FGF13: variants seen among roughly 807,000 people sequenced by gnomAD.
FGF13 encodes the protein fibroblast growth factor homologous factor 2.
FGF13 carries 2 observed loss-of-function variants against 19.5 expected under a neutral mutation model. The observed-to-expected ratio is 0.10, with a 90% CI of 0.04 to 0.32. The LOEUF (loss-of-function observed/expected upper bound fraction) is 0.32, where lower values mean the gene tolerates loss of function less well. Among genes scored for constraint, FGF13 ranks in the 10% least tolerant of loss-of-function variants. The pLI, the probability that FGF13 is intolerant of heterozygous loss-of-function variation, is 1.00. For missense variants in FGF13, 113 were observed against 192.7 expected (o/e 0.59, Z 2.45); for synonymous variants, 72 against 76.9 (o/e 0.94, Z 0.33).
intron 1 of FGF13, among the ~76,000 whole-genome samples, chrX:138,998,093 A>C (rs1038008887): frequency 9.0e-6 from 1 of 111,729 alleles, no homozygotes; most frequent in African/African-American, 3.3e-5. Flanking sequence ...AAGCTTCATA[A>C]GTGAAGAAGA....
At chrX:138,747,779 G>A (rs966246203) in intron 3 of FGF13, among the ~76,000 whole-genome samples, 2 of 111,430 alleles carry the variant, frequency 1.8e-5, no homozygotes, top group Non-Finnish European at 3.8e-5. Context: ...GCGGGATGAG[G>A]TCATAAAGTT....
chrX:138,677,662 TA>T (rs2089685144), intron 3 of FGF13, among the ~76,000 whole-genome samples: 1 of 111,156 alleles, frequency 9.0e-6, no homozygotes, highest in African/African-American at 3.3e-5. Context: ...TGGCAATCAT[TA>T]AAAAGTCAGG....
chrX:139,178,156 C>A (rs755065672), intron 1 of FGF13, among the ~76,000 whole-genome samples: 1 of 112,269 alleles, frequency 8.9e-6, no homozygotes, highest in Non-Finnish European at 1.9e-5. Flanking sequence ...TGTTCCTATT[C>A]GGCCATCTTG....
At chrX:139,048,409 C>T (rs1414397725) in intron 1 of FGF13, among the ~76,000 whole-genome samples, 2 of 110,821 alleles carry the variant, frequency 1.8e-5, no homozygotes, top group Non-Finnish European at 3.8e-5. Context: ...TTTCTTTTTT[C>T]CTAAGATTCC....
intron 1 of FGF13, among the ~76,000 whole-genome samples, chrX:138,964,295 A>G (rs774894616): frequency 3.6e-5 from 4 of 112,007 alleles, no homozygotes; most frequent in South Asian, 7.5e-4. Flanking sequence ...ATCAGAAATC[A>G]GCAAACAATG....
chrX:138,913,663 AG>A (rs2091602172), intron 1 of FGF13, among the ~76,000 whole-genome samples: 2 of 96,627 alleles, frequency 2.1e-5, no homozygotes, highest in African/African-American at 8.1e-5. Flanking sequence ...GAAGGAAGGA[AG>A]GAAGGAAGGA....
intron 1 of FGF13, among the ~76,000 whole-genome samples, chrX:138,950,752 T>C (rs1421497725): frequency 9.0e-6 from 1 of 111,664 alleles, no homozygotes; most frequent in Non-Finnish European, 1.9e-5. Context: ...GTTATTAGTA[T>C]TACTCAAAAT....
chrX:139,166,148 C>G (rs950819939), intron 1 of FGF13, among the ~76,000 whole-genome samples: 2 of 111,214 alleles, frequency 1.8e-5, no homozygotes, highest in African/African-American at 6.6e-5. Flanking sequence ...GGCTGTGTCC[C>G]CACCCAAATC....
At chrX:139,173,189 A>G (rs1397611412) in intron 1 of FGF13, among the ~76,000 whole-genome samples, 1 of 111,364 alleles carries the variant, frequency 9.0e-6, no homozygotes, top group Non-Finnish European at 1.9e-5. Context: ...AAGAATTCAG[A>G]GGCAATATGG....
At chrX:139,122,930 G>A (rs754469313) in intron 1 of FGF13, among the ~76,000 whole-genome samples, 4 of 111,657 alleles carry the variant, frequency 3.6e-5, no homozygotes, top group East Asian at 2.8e-4. Context: ...GTGAGAGGCC[G>A]TCCTGTGCAC....
At chrX:138,993,034 A>G (rs1320133586) in intron 1 of FGF13, among the ~76,000 whole-genome samples, 3 of 111,878 alleles carry the variant, frequency 2.7e-5, no homozygotes, top group African/African-American at 9.7e-5. Context: ...AAAAATTCCT[A>G]ATCTGAATTT....
At chrX:139,173,948 C>G (rs1168278451) in intron 1 of FGF13, among the ~76,000 whole-genome samples, 1 of 111,981 alleles carries the variant, frequency 8.9e-6, no homozygotes, top group African/African-American at 3.3e-5. Context: ...AATGGTATTT[C>G]TGGTTCTAGA....
chrX:138,754,745 G>A (rs1380963692), intron 3 of FGF13, among the ~76,000 whole-genome samples: 1 of 111,177 alleles, frequency 9.0e-6, no homozygotes, highest in East Asian at 2.8e-4. Flanking sequence ...TTCCCTTCTG[G>A]GCATCTAGAA....
chrX:139,159,563 T>C (rs1233665805), intron 1 of FGF13, among the ~76,000 whole-genome samples: 1 of 107,110 alleles, frequency 9.3e-6, no homozygotes, highest in Non-Finnish European at 1.9e-5. Context: ...GACCCATCAG[T>C]GTGCTGTATT....
chrX:138,667,597 T>C (rs2089563861), intron 3 of FGF13: 1 of 330,038 alleles, frequency 3.0e-6, no homozygotes, highest in South Asian at 2.7e-5. Flanking sequence ...AGTTTCTTCA[T>C]AGAAGAGGAT....
intron 1 of FGF13, among the ~76,000 whole-genome samples, chrX:138,717,169 A>G (rs2124267697): frequency 8.9e-6 from 1 of 111,989 alleles, no homozygotes; most frequent in South Asian, 3.8e-4. Flanking sequence ...CGAGAGTTCA[A>G]GGCCTCTGAT....
At chrX:138,915,622 G>C (rs755195884) in intron 1 of FGF13, among the ~76,000 whole-genome samples, 1 of 112,003 alleles carries the variant, frequency 8.9e-6, no homozygotes, top group East Asian at 2.8e-4. Flanking sequence ...TCTGTTGTCA[G>C]ATGGGATCTA....
At chrX:139,085,238 G>T (rs970922660) in intron 1 of FGF13, among the ~76,000 whole-genome samples, 25 of 111,733 alleles carry the variant, frequency 2.2e-4, no homozygotes, top group Admixed American at 1.9e-4. Flanking sequence ...CATACACTAG[G>T]AATAATACTG....
chrX:138,836,209 C>T (rs2091111862), intron 3 of FGF13, among the ~76,000 whole-genome samples: 1 of 111,296 alleles, frequency 9.0e-6, no homozygotes, highest in Non-Finnish European at 1.9e-5. Context: ...CTCTGCATTT[C>T]CTGAAATTTG....
Sources: allele counts gnomAD v4.1 joint callset (sites outside exome capture counted in the v4.1 genomes callset), GRCh38; gene constraint gnomAD v4.1.1; transcripts MANE v1.5; gene names NCBI Gene and HGNC (gene_info 2026-07-23, HGNC 2026-07-21).